PYROXD1: variants seen among roughly 807,000 people sequenced by gnomAD.
The protein encoded by PYROXD1 is tRNA ligase complex-associated NAD(P)H dehydrogenase PYROXD1.
PYROXD1 carries 42 observed loss-of-function variants against 62.0 expected under a neutral mutation model. The ratio of observed to expected loss-of-function variants is 0.68; its 90% CI spans 0.53 to 0.88. The LOEUF is 0.88. Ranked by LOEUF, PYROXD1 falls within the 40% of genes least tolerant of loss-of-function variation. PYROXD1 has a pLI of 0.00. For missense variants in PYROXD1, 493 were observed against 604.8 expected, an observed-to-expected ratio of 0.82 and a Z score of 1.94; for synonymous variants, 170 against 206.4, an observed-to-expected ratio of 0.82 and a Z score of 1.51.
intron 2 of PYROXD1, among the ~76,000 whole-genome samples, chr12:21,443,729 C>T (rs1591937428): frequency 1.3e-5 from 2 of 152,090 alleles, no homozygotes; most frequent in South Asian, 4.1e-4. Flanking sequence ...TCATTTAATA[C>T]GATGTCTCTG....
chr12:21,468,797 C>T lies in PYROXD1; in HGVS notation c.*43C>T, dbSNP rs781269945. The stretch of plus-strand genomic sequence containing the variant: ...GAATCATATAAAGTTCCAAATGACA[C>T]CAGAAAAATCACAAGTCAATAAAAT... On this transcript the variant is annotated 3_prime_UTR_variant, in exon 12 of 12. Coordinates refer to ENST00000240651, the MANE Select transcript of PYROXD1 (RefSeq NM_024854.5). 2 of 1,551,488 alleles carry T rather than the reference C, an allele frequency of 1.3e-6. No homozygotes were observed. The highest frequency in any genetic ancestry group is 2.4e-5 in the South Asian group (2 of 82,842).
intron 2 of PYROXD1, among the ~76,000 whole-genome samples, chr12:21,444,141 G>A (rs182008496): frequency 6.6e-6 from 1 of 152,076 alleles, no homozygotes; most frequent in Non-Finnish European, 1.5e-5. Context: ...TTTACTGGTC[G>A]GGTAGCCTTG....
At chr12:21,448,029 ATC>A (rs1942425369) in intron 3 of PYROXD1, 3 of 466,960 alleles carry the variant, frequency 6.4e-6, no homozygotes, top group Non-Finnish European at 1.2e-5. Flanking sequence ...GTGTGAAGGT[ATC>A]TCTCTAAAAT....
At chr12:21,449,508 G>T in intron 3 of PYROXD1, 55 bp from the exon 4 acceptor site, 1 of 1,539,474 alleles carries the variant, frequency 6.5e-7, no homozygotes. Flanking sequence ...AAGTGAAGTT[G>T]TATCCATGTT....
rs763870763 is a variant in PYROXD1 at position 21,437,841 on chromosome 12, C to T, written c.84+27C>T. ...TAGGGCGGTGCTCAGGCGGTTCCGC[C>T]TCTTTCCCCGACCCCAAAGGGGATA... On this transcript the variant is annotated intron_variant, in intron 1 of 11. Transcript: ENST00000240651. 7.3e-5 allele frequency: 117 copies of T among 1,601,626 alleles called. 5 individuals are homozygous for T. In the South Asian group the frequency reaches 1.3e-3, roughly 17 times the overall value.
rs1447143116 is a variant in PYROXD1 at position 21,470,944 on chromosome 12, A to C, written c.*2190A>C. 6.9e-7 allele frequency: 1 copy of C among 1,439,636 alleles called. No individual in the cohort carries two copies. The highest frequency in any genetic ancestry group is 9.1e-7 in the Non-Finnish European group (1 of 1,095,802). 89.2% of individuals were successfully genotyped at this position (1,439,636 alleles called of 1,614,324 possible). On this transcript the variant is annotated 3_prime_UTR_variant, in exon 12 of 12. Coordinates refer to ENST00000240651, the MANE Select transcript of PYROXD1 (RefSeq NM_024854.5). Reference sequence around the variant, plus strand: ...TTTAATATACTTTTTAAAATATATAAAACTGAAAATTAATAGCCATTTACC... The same window carrying C: ...TTTAATATACTTTTTAAAATATATACAACTGAAAATTAATAGCCATTTACC...
At chr12:21,459,429 C>T (rs6487231) in intron 7 of PYROXD1, among the ~76,000 whole-genome samples, 74,906 of 151,998 alleles carry the variant, frequency 0.49, 18,516 homozygotes, top group Middle Eastern at 0.59. Context: ...TCTGTTTCTT[C>T]GTGACATCCT....
intron 3 of PYROXD1, 26 bp downstream of exon 3, chr12:21,445,492 A>G (rs1444829630): frequency 1.9e-6 from 3 of 1,554,272 alleles, no homozygotes; most frequent in Non-Finnish European, 1.7e-6. Context: ...TCTTAATAAC[A>G]TTTTCCATTG....
intron 4 of PYROXD1, 47 bp downstream of exon 4, chr12:21,449,738 C>A: frequency 6.5e-7 from 1 of 1,531,676 alleles, no homozygotes; most frequent in South Asian, 1.2e-5. Flanking sequence ...AAAGAATTTT[C>A]TACATTTGAA....
At chr12:21,462,598 T>C in intron 9 of PYROXD1, 142 bp from the exon 10 acceptor site, 1 of 874,634 alleles carries the variant, frequency 1.1e-6, no homozygotes, top group African/African-American at 1.7e-5. Context: ...AGCTCAGGTG[T>C]CTAAACTTTG....
chr12:21,457,737 A>G lies in PYROXD1; in HGVS notation c.750+1642A>G, dbSNP rs147164571. ...GGCTGGTGCCACACACCTTTAAACA[A>G]CCAGATCTCATGAGAACTCTAACAT... On this transcript the variant is annotated intron_variant, in intron 7 of 11. Transcript: ENST00000240651. Among the ~76,000 whole-genome samples the G allele has an allele frequency of 3.5e-3, 534 of 152,196 alleles. 1 individual carries two copies. The highest frequency in any genetic ancestry group is 0.012 in the African/African-American group (509 of 41,514).
At chr12:21,466,331 C>A (rs9669340) in intron 10 of PYROXD1, among the ~76,000 whole-genome samples, 68,000 of 144,714 alleles carry the variant, frequency 0.47, 15,083 homozygotes, top group Middle Eastern at 0.57. Flanking sequence ...TTTGTATCCT[C>A]TTTTATTTCA....
At position 21,445,377 on chromosome 12, in the gene PYROXD1, G is replaced by T; in HGVS notation, c.196G>T (p.Glu66Ter). Residue 66 changes from glutamate to a stop codon, truncating the protein, a stop_gained, in exon 3 of 12, where the codon GAA becomes TAA. Coordinates refer to ENST00000240651, the MANE Select transcript of PYROXD1 (RefSeq NM_024854.5). LOFTEE classifies it high-confidence loss of function. ...ISKILEEFDV[E>*]EQSSTMLGKR... ...TAAAATATTGGAAGAATTCGATGTT[G>T]AAGAACAATCAAGTACCATGTTAGG... 6.2e-7 allele frequency: 1 copy of T among 1,603,728 alleles called. No individual in the cohort carries two copies. The highest frequency in any genetic ancestry group is 8.5e-7 in the Non-Finnish European group (1 of 1,176,954).
At chr12:21,455,045 T>G in intron 5 of PYROXD1, 87 bp from the exon 6 acceptor site, 1 of 661,148 alleles carries the variant, frequency 1.5e-6, no homozygotes. Flanking sequence ...TCCCTACTTT[T>G]GCTTCAGGAG....
chr12:21,449,826 G>A (rs1430952041), intron 4 of PYROXD1, 135 bp downstream of exon 4: 11 of 630,828 alleles, frequency 1.7e-5, no homozygotes, highest in Non-Finnish European at 2.6e-5. Context: ...AAACCACAGA[G>A]TGGTTATGTT....
intron 7 of PYROXD1, 110 bp downstream of exon 7, chr12:21,456,205 A>G (rs537112997): frequency 2.5e-5 from 17 of 671,524 alleles, no homozygotes; most frequent in South Asian, 8.3e-5. Flanking sequence ...AGGTCACTTT[A>G]CTTAAAATCC....
At chr12:21,454,207 A>C (rs1234374766) in intron 5 of PYROXD1, among the ~76,000 whole-genome samples, 1 of 152,042 alleles carries the variant, frequency 6.6e-6, no homozygotes, top group Non-Finnish European at 1.5e-5. Flanking sequence ...TCAGTCTGTG[A>C]AATAAAGATG....
chr12:21,446,092 A>G (rs1942381587), intron 3 of PYROXD1, among the ~76,000 whole-genome samples: 1 of 152,220 alleles, frequency 6.6e-6, no homozygotes, highest in Admixed American at 6.5e-5. Context: ...GAAGATAAGT[A>G]AGTGAGAACC....
At chr12:21,448,218 T>A in intron 3 of PYROXD1, 1 of 548,086 alleles carries the variant, frequency 1.8e-6, no homozygotes. Context: ...CTCTTCCCCA[T>A]CCATTTTGTT....
Sources: allele counts gnomAD v4.1 joint callset (sites outside exome capture counted in the v4.1 genomes callset), GRCh38; gene constraint gnomAD v4.1.1; transcripts MANE v1.5; gene names NCBI Gene and HGNC (gene_info 2026-07-23, HGNC 2026-07-21).